PRKAA2: variants seen among roughly 807,000 people sequenced by gnomAD.
PRKAA2 encodes 5'-AMP-activated protein kinase catalytic subunit alpha-2.
A neutral mutation model predicts 56.3 loss-of-function variants in PRKAA2; 40 were observed. That is an observed-to-expected ratio of 0.71 (90% confidence interval 0.55 to 0.92). PRKAA2 has a LOEUF of 0.92. Among genes scored for constraint, PRKAA2 ranks in the 40% least tolerant of loss-of-function variants. The probability of loss-of-function intolerance (pLI) is 0.00; values close to 1 mark genes in which losing one functional copy is unlikely to be tolerated. For synonymous variants in PRKAA2, 214 were observed against 234.2 expected (o/e 0.91, Z 0.79); for missense variants, 542 against 686.9 (o/e 0.79, Z 2.36).
chr1:56,713,914 T>G lies in PRKAA2; in HGVS notation c.*6201T>G, dbSNP rs1644387355. On this transcript the variant is annotated 3_prime_UTR_variant, in exon 9 of 9. Coordinates refer to ENST00000371244, the MANE Select transcript of PRKAA2 (RefSeq NM_006252.4). The stretch of plus-strand genomic sequence containing the variant: ...CCTTAAATTATAAGAAGAGTAATAG[T>G]AAAAACTTGTTTAAACTATATTTTC... 2 of 150,942 alleles carry G rather than the reference T, an allele frequency of 1.3e-5. No homozygotes were observed. Among genetic ancestry groups the G allele is most frequent in the Non-Finnish European group, 2.9e-5 (2 of 67,798 alleles). The allele number at this position is 150,942 out of a possible 1,614,324, so 9.4% of individuals were successfully genotyped here.
intron 1 of PRKAA2, among the ~76,000 whole-genome samples, chr1:56,652,424 G>T (rs1643908831): frequency 6.6e-6 from 1 of 152,130 alleles, no homozygotes; most frequent in African/African-American, 2.4e-5. Flanking sequence ...CAAAGTGCTG[G>T]GATTACAGGC....
chr1:56,696,262 C>T, intron 6 of PRKAA2, 103 bp downstream of exon 6: 1 of 1,012,722 alleles, frequency 9.9e-7, no homozygotes, highest in African/African-American at 1.6e-5. Context: ...CACCACCTCA[C>T]CCCAGTACTC....
At chr1:56,699,718 C>T (rs370378270) in intron 6 of PRKAA2, among the ~76,000 whole-genome samples, 16 of 152,066 alleles carry the variant, frequency 1.1e-4, no homozygotes, top group African/African-American at 3.6e-4. Context: ...ACTATTTTAT[C>T]ATCCGTGAAA....
chr1:56,654,037 A>G (rs1342407843), intron 1 of PRKAA2, among the ~76,000 whole-genome samples: 1 of 152,130 alleles, frequency 6.6e-6, no homozygotes, highest in African/African-American at 2.4e-5. Flanking sequence ...GTCCTGGTCC[A>G]CTTGTAGTAG....
rs1644330026 is a variant in PRKAA2, at chr1:56,706,101, G to A, written c.1303G>A (p.Ala435Thr). 6.2e-7 allele frequency: 1 copy of A among 1,609,350 alleles called. No homozygotes were observed. The highest frequency in any genetic ancestry group is 8.5e-7 in the Non-Finnish European group (1 of 1,176,152). ...TGATTTTTCACTTTAGGTAGTGAATGCATACCATCTTCGTGTAAGAAGAAA... is the reference window on the plus strand; with the variant it reads ...TGATTTTTCACTTTAGGTAGTGAATACATACCATCTTCGTGTAAGAAGAAA... Reference protein sequence around the residue: ...QLDFEWKVVNAYHLRVRRKNP... With the variant: ...QLDFEWKVVNTYHLRVRRKNP... Residue 435 changes from alanine to threonine, a missense_variant, in exon 8 of 9, where the codon GCA becomes ACA. Ala to Thr is a moderately conservative substitution (Grantham distance 58, BLOSUM62 0). Transcript: ENST00000371244.
intron 1 of PRKAA2, among the ~76,000 whole-genome samples, chr1:56,649,367 A>G (rs1312427527): frequency 6.6e-6 from 1 of 152,164 alleles, no homozygotes; most frequent in Admixed American, 6.5e-5. Flanking sequence ...CTACTAAAAA[A>G]GCTAATAGGA....
At chr1:56,668,411 TAA>T (rs11353693) in intron 1 of PRKAA2, among the ~76,000 whole-genome samples, 175 of 142,208 alleles carry the variant, frequency 1.2e-3, no homozygotes, top group Middle Eastern at 3.6e-3. Context: ...ACTTAAAGTA[TAA>T]AAAAAAAAAA....
rs1472571583 is a variant in PRKAA2 at position 56,709,213 on chromosome 1, T to C, written c.*1500T>C. 3.9e-5 allele frequency: 6 copies of C among 152,184 alleles called. No individual in the cohort carries two copies. The highest frequency in any genetic ancestry group is 3.9e-4 in the Admixed American group (6 of 15,272). 9.4% of individuals were successfully genotyped at this position (152,184 alleles called of 1,614,324 possible). On this transcript the variant is annotated 3_prime_UTR_variant, in exon 9 of 9. Transcript: ENST00000371244. The stretch of plus-strand genomic sequence containing the variant: ...TCTCTTTGCCAAAAGTAATGTATGT[T>C]CTGCCAAGAAGCAAATGAGAATGTT...
intron 2 of PRKAA2, among the ~76,000 whole-genome samples, chr1:56,689,159 A>G (rs1644211082): frequency 6.6e-6 from 1 of 152,196 alleles, no homozygotes; most frequent in Non-Finnish European, 1.5e-5. Context: ...CACAAAAGTG[A>G]TTGAAAATTG....
chr1:56,658,006 G>A (rs1409802687), intron 1 of PRKAA2, among the ~76,000 whole-genome samples: 1 of 152,138 alleles, frequency 6.6e-6, no homozygotes, highest in Non-Finnish European at 1.5e-5. Context: ...TGAAATGCAA[G>A]AACAGAAAAG....
In PRKAA2 at chr1:56,710,372, A is replaced by G. The variant is rs930255327; in HGVS notation, c.*2659A>G. On this transcript the variant is annotated 3_prime_UTR_variant, in exon 9 of 9. Coordinates refer to ENST00000371244, the MANE Select transcript of PRKAA2 (RefSeq NM_006252.4). The stretch of plus-strand genomic sequence containing the variant: ...CTCTTCCCCTCGAAGATGACAGTGG[A>G]TGTCAGCATTAAAGACTTTGACAGG... 3.9e-5 allele frequency: 6 copies of G among 152,140 alleles called. No homozygotes were observed. Among genetic ancestry groups the G allele is most frequent in the Admixed American group, 3.3e-4 (5 of 15,266 alleles). 9.4% of individuals were successfully genotyped at this position (152,140 alleles called of 1,614,324 possible). A position where few individuals can be genotyped will look rare whatever the true frequency, so the allele number is the denominator to read the frequency against.
chr1:56,705,183 C>T (rs1384245223), intron 7 of PRKAA2, among the ~76,000 whole-genome samples: 8 of 151,972 alleles, frequency 5.3e-5, no homozygotes, highest in East Asian at 3.9e-4. Context: ...ATGCATTTGA[C>T]GTGTTCAAAT....
At position 56,708,265 on chromosome 1, in the gene PRKAA2, A is replaced by G. The variant is rs1445435242; in HGVS notation, c.*552A>G. On this transcript the variant is annotated 3_prime_UTR_variant, in exon 9 of 9. Coordinates refer to ENST00000371244, the MANE Select transcript of PRKAA2 (RefSeq NM_006252.4). ...TTTTTCTAACAGTATTTGTACAAAT[A>G]CTGCCTAGTGTATTCAACAGAAGGA... 6.4e-6 allele frequency: 1 copy of G among 156,180 alleles called. No individual in the cohort carries two copies. Among genetic ancestry groups the G allele is most frequent in the Non-Finnish European group, 1.4e-5 (1 of 70,354 alleles). 9.7% of individuals were successfully genotyped at this position (156,180 alleles called of 1,614,324 possible). A position where few individuals can be genotyped will look rare whatever the true frequency, so the allele number is the denominator to read the frequency against.
chr1:56,645,470 G>C lies in PRKAA2; in HGVS notation c.83G>C (p.Gly28Ala). 1 of 1,495,916 alleles carries C rather than the reference G, an allele frequency of 6.7e-7. No homozygotes were observed. The highest frequency in any genetic ancestry group is 9.0e-7 in the Non-Finnish European group (1 of 1,115,624). 92.7% of individuals were successfully genotyped at this position (1,495,916 alleles called of 1,614,324 possible). ...LGDTLGVGTFGKVKIGEHQLT... is the reference protein window; with the variant it reads ...LGDTLGVGTFAKVKIGEHQLT... ...GACACGCTGGGCGTCGGCACCTTCG[G>C]CAAAGTGAAGAGTTGAGTACGCGCT... The change falls in exon 1 of 9, where the codon GGC becomes GCC. Residue 28 changes from glycine (G) to alanine (A), a missense_variant. Physicochemically the swap from Gly to Ala is moderately conservative, Grantham distance 60. This residue lies in a region of PRKAA2 where 59 missense variants were observed against 53.9 expected (regional missense o/e 1.09). Coordinates refer to ENST00000371244, the MANE Select transcript of PRKAA2 (RefSeq NM_006252.4).
At chr1:56,693,641 T>C in intron 4 of PRKAA2, 124 bp from the exon 5 acceptor site, 1 of 566,918 alleles carries the variant, frequency 1.8e-6, no homozygotes, top group Non-Finnish European at 3.0e-6. Flanking sequence ...CACTGCTTTT[T>C]TTTAATAACT....
chr1:56,682,592 G>T (rs1644162810), intron 2 of PRKAA2, among the ~76,000 whole-genome samples: 1 of 152,158 alleles, frequency 6.6e-6, no homozygotes, highest in African/African-American at 2.4e-5. Flanking sequence ...GGATTTGAAG[G>T]CCTTGCTAAG....
In PRKAA2 at chr1:56,706,209, A is replaced by G; in HGVS notation, c.1411A>G (p.Ser471Gly). 1 of 1,613,296 alleles carries G rather than the reference A, an allele frequency of 6.2e-7. No homozygotes were observed. Among genetic ancestry groups the G allele is most frequent in the Non-Finnish European group, 8.5e-7 (1 of 1,179,842 alleles). The change falls in exon 8 of 9, where the codon AGC becomes GGC. Residue 471 changes from serine (S) to glycine (G), a missense_variant. This residue lies in a region of PRKAA2 where 158 missense variants were observed against 166.1 expected (regional missense o/e 0.95). Coordinates refer to ENST00000371244, the MANE Select transcript of PRKAA2 (RefSeq NM_006252.4). ...DNRSYLLDFK[S>G]IDDEVVEQRS... is the part of the protein sequence containing the mutation. The stretch of plus-strand genomic sequence containing the variant: ...CAGGAGCTATCTTTTGGACTTTAAA[A>G]GCATTGATGGTAAGGAAGCTATGCA...
chr1:56,650,672 A>G (rs1423852786), intron 1 of PRKAA2, among the ~76,000 whole-genome samples: 1 of 152,204 alleles, frequency 6.6e-6, no homozygotes, highest in Non-Finnish European at 1.5e-5. Flanking sequence ...TACTCCAGAA[A>G]TATGTTTACC....
chr1:56,704,055 G>C lies in PRKAA2; in HGVS notation c.873G>C (p.Glu291Asp). ...ATGATGCTAACGTCATTGATGATGAGGCTGTGAAAGAAGTGTGTGAAAAAT... is the reference window on the plus strand; with the variant it reads ...ATGATGCTAACGTCATTGATGATGACGCTGTGAAAGAAGTGTGTGAAAAAT... ...PSYDANVIDDEAVKEVCEKFE... is the reference protein window; with the variant it reads ...PSYDANVIDDDAVKEVCEKFE... Residue 291 changes from glutamate (E) to aspartate (D), a missense_variant, in exon 7 of 9, where the codon GAG becomes GAC. By Grantham distance (45) the Glu-to-Asp change is conservative. Coordinates refer to ENST00000371244, the MANE Select transcript of PRKAA2 (RefSeq NM_006252.4). The C allele has an allele frequency of 6.2e-7, 1 of 1,614,068 alleles. No individual in the cohort carries two copies. The highest frequency in any genetic ancestry group is 8.5e-7 in the Non-Finnish European group (1 of 1,179,966).
Sources: allele counts gnomAD v4.1 joint callset (sites outside exome capture counted in the v4.1 genomes callset), GRCh38; gene constraint gnomAD v4.1.1; regional missense constraint gnomAD v4.1.1; transcripts MANE v1.5; gene names NCBI Gene and HGNC (gene_info 2026-07-23, HGNC 2026-07-21).